Variants in TNRC6B observed in about 807,000 individuals in gnomAD.
TNRC6B encodes the protein trinucleotide repeat-containing gene 6B protein.
TNRC6B carries 52 observed loss-of-function variants against 203.6 expected under a neutral mutation model. The ratio of observed to expected loss-of-function variants is 0.26; its 90% confidence interval spans 0.20 to 0.32. TNRC6B has a LOEUF of 0.32. Among genes scored for constraint, TNRC6B ranks in the 10% least tolerant of loss-of-function variants. The pLI is 1.00. For missense variants in TNRC6B, 1,923 were observed against 2,286.2 expected (o/e 0.84, Z 3.24); for synonymous variants, 838 against 845.7 (o/e 0.99, Z 0.16).
intron 1 of TNRC6B, among the ~76,000 whole-genome samples, chr22:40,198,452 G>C (rs1307371485): frequency 1.3e-5 from 2 of 152,078 alleles, no homozygotes; most frequent in African/African-American, 4.8e-5. Context: ...CAAGGTGTTG[G>C]CCTGGCCAGG....
chr22:40,205,491 A>G (rs1179265247), intron 1 of TNRC6B, among the ~76,000 whole-genome samples: 1 of 152,236 alleles, frequency 6.6e-6, no homozygotes, highest in African/African-American at 2.4e-5. Context: ...TGGTTTGTCC[A>G]TAGAAACACT....
At chr22:40,283,107 C>T (rs962981124) in intron 11 of TNRC6B, among the ~76,000 whole-genome samples, 1 of 152,070 alleles carries the variant, frequency 6.6e-6, no homozygotes, top group Non-Finnish European at 1.5e-5. Context: ...GTGATCTCTG[C>T]TCACTGCAAG....
At chr22:40,138,983 A>G (rs1278490015) in intron 3 of TNRC6B, among the ~76,000 whole-genome samples, 1 of 152,338 alleles carries the variant, frequency 6.6e-6, no homozygotes, top group African/African-American at 2.4e-5. Context: ...CATTTATAGT[A>G]TACAGCTCAA....
intron 3 of TNRC6B, among the ~76,000 whole-genome samples, chr22:40,127,034 T>C (rs2068499896): frequency 6.7e-6 from 1 of 148,974 alleles, no homozygotes; most frequent in South Asian, 2.1e-4. Flanking sequence ...TAAAAATAAA[T>C]ATATATTAAT....
rs200649095 is a variant in TNRC6B, at chr22:40,242,422, C to CT, written c.6-3585dup. On this transcript the variant is annotated intron_variant, in intron 1 of 22. Coordinates refer to ENST00000454349, the MANE Select transcript of TNRC6B (RefSeq NM_001162501.2). ...AGTGAGAAACATGGCTGTCATTATTCTTTTTTTTCTTTTCTTTTTTTTTTT... is the reference window on the plus strand; with the variant it reads ...AGTGAGAAACATGGCTGTCATTATTCTTTTTTTTTCTTTTCTTTTTTTTTTT... Among the ~76,000 whole-genome samples the CT allele has an allele frequency of 5.3e-5, 8 of 151,650 alleles. No homozygotes were observed. In the East Asian group the frequency reaches 1.2e-3, roughly 22 times the overall value.
chr22:40,149,416 C>T (rs1324863569), intron 3 of TNRC6B, among the ~76,000 whole-genome samples: 1 of 152,110 alleles, frequency 6.6e-6, no homozygotes, highest in African/African-American at 2.4e-5. Context: ...CACTTGTAAT[C>T]CCAGCACTTC....
intron 1 of TNRC6B, among the ~76,000 whole-genome samples, chr22:40,179,788 G>T (rs2069108944): frequency 6.6e-6 from 1 of 152,168 alleles, no homozygotes; most frequent in Non-Finnish European, 1.5e-5. Flanking sequence ...AAAATGGATT[G>T]GCCTCTTGTG....
chr22:40,264,547 G>C, intron 4 of TNRC6B, 141 bp from the exon 5 acceptor site: 1 of 884,218 alleles, frequency 1.1e-6, no homozygotes, highest in Non-Finnish European at 1.6e-6. Flanking sequence ...TAAGACAGTT[G>C]TGATACAAGC....
At chr22:40,289,111 A>C (rs1440832513) in intron 12 of TNRC6B, among the ~76,000 whole-genome samples, 1 of 151,948 alleles carries the variant, frequency 6.6e-6, no homozygotes. Context: ...CACCGCGCCC[A>C]GCCTACAAAA....
At position 40,266,286 on chromosome 22, in the gene TNRC6B, T is replaced by C. The variant is rs1569045347; in HGVS notation, c.2056T>C (p.Ser686Pro). 6.3e-7 allele frequency: 1 copy of C among 1,592,022 alleles called. No homozygotes were observed. Among genetic ancestry groups the C allele is most frequent in the Non-Finnish European group, 8.6e-7 (1 of 1,168,874 alleles). ...MKSGWGELSA[S>P]TEWKDPKNTG... ...GTCTGGATGGGGGGAGCTCTCAGCCTCTACAGAGTGGAAAGACCCCAAGAA... is the reference window on the plus strand; with the variant it reads ...GTCTGGATGGGGGGAGCTCTCAGCCCCTACAGAGTGGAAAGACCCCAAGAA... The change falls in exon 5 of 23, where the codon TCT (serine) becomes CCT (proline). Residue 686 changes from serine to proline, a missense_variant. Ser to Pro is a moderately conservative substitution (Grantham distance 74). Coordinates refer to ENST00000454349, the MANE Select transcript of TNRC6B (RefSeq NM_001162501.2).
At chr22:40,095,858 A>G (rs2068182659) in intron 1 of TNRC6B, among the ~76,000 whole-genome samples, 1 of 152,006 alleles carries the variant, frequency 6.6e-6, no homozygotes, top group Admixed American at 6.6e-5. Flanking sequence ...GGGGAGATGG[A>G]TATCAACAAA....
At chr22:40,076,174 T>C (rs1449072532) in intron 1 of TNRC6B, among the ~76,000 whole-genome samples, 3 of 152,246 alleles carry the variant, frequency 2.0e-5, no homozygotes, top group African/African-American at 7.2e-5. Context: ...CCCAGCACTT[T>C]GGGAGGCCAA....
intron 1 of TNRC6B, among the ~76,000 whole-genome samples, chr22:40,205,438 T>C (rs762290197): frequency 2.6e-5 from 4 of 152,304 alleles, no homozygotes; most frequent in East Asian, 1.9e-4. Context: ...AATTTAGATA[T>C]ATATTAATGT....
intron 3 of TNRC6B, among the ~76,000 whole-genome samples, chr22:40,257,003 A>G (rs2070289504): frequency 6.6e-6 from 1 of 152,208 alleles, no homozygotes; most frequent in Non-Finnish European, 1.5e-5. Flanking sequence ...AGTGGAAGGT[A>G]AAGAAATAGA....
At position 40,246,196 on chromosome 22, in the gene TNRC6B, A is replaced by AT. The variant is rs2070104804; in HGVS notation, c.93+102dup. ...TTGGCTTGAATATCCGATATCTTTT[A>AT]TTTTTTTTCCTGAGATGGAGTCTTG... On this transcript the variant is annotated intron_variant, in intron 2 of 22. Transcript: ENST00000454349. The AT allele has an allele frequency of 1.0e-4, 105 of 1,023,956 alleles. 1 individual carries two copies. Among genetic ancestry groups the AT allele is most frequent in the Middle Eastern group, 2.7e-4 (1 of 3,708 alleles). The allele number at this position is 1,023,956 out of a possible 1,614,324, so 63.4% of individuals were successfully genotyped here. A position where few individuals can be genotyped will look rare whatever the true frequency, so the allele number is the denominator to read the frequency against.
intron 1 of TNRC6B, among the ~76,000 whole-genome samples, chr22:40,185,241 G>A (rs553656751): frequency 2.5e-4 from 38 of 152,074 alleles, no homozygotes; most frequent in Admixed American, 2.0e-3. Flanking sequence ...CACCCACCTC[G>A]GCCTCCCAAA....
chr22:40,251,346 A>T (rs1342265335), intron 3 of TNRC6B, 146 bp downstream of exon 3: 15 of 597,870 alleles, frequency 2.5e-5, no homozygotes, highest in Middle Eastern at 2.7e-4. Flanking sequence ...AGGAGCAGTA[A>T]TGACAAATTG....
intron 1 of TNRC6B, among the ~76,000 whole-genome samples, chr22:40,206,712 T>C (rs561307654): frequency 9.5e-4 from 142 of 149,540 alleles, no homozygotes; most frequent in African/African-American, 3.4e-3. Context: ...GGGGCTGAGG[T>C]GGGTCAGCGC....
At chr22:40,222,085 A>G (rs758184908) in intron 1 of TNRC6B, among the ~76,000 whole-genome samples, 1 of 151,992 alleles carries the variant, frequency 6.6e-6, no homozygotes, top group Non-Finnish European at 1.5e-5. Context: ...GACCTCTCTG[A>G]CCCATCTCTG....
Sources: gnomAD v4.1 joint callset for allele counts (sites outside exome capture counted in the v4.1 genomes callset) on GRCh38, gnomAD v4.1.1 for gene constraint, MANE v1.5 for transcripts, NCBI Gene and HGNC (gene_info 2026-07-23, HGNC 2026-07-21) for gene names.